SLU7: variants seen among roughly 807,000 people sequenced by gnomAD.
SLU7 encodes the protein spliceosome associated SLU7, also known as pre-mRNA-splicing factor SLU7.
SLU7 carries 60 observed loss-of-function variants against 87.0 expected under a neutral mutation model. The observed-to-expected ratio is 0.69, with a 90% CI of 0.56 to 0.86. The LOEUF (loss-of-function observed/expected upper bound fraction) is 0.86. Ranked by LOEUF, SLU7 falls within the 40% of genes least tolerant of loss-of-function variation. The pLI is 0.00. For synonymous variants in SLU7, 197 were observed against 222.0 expected (o/e 0.89, Z 1.00); for missense variants, 507 against 686.6 (o/e 0.74, Z 2.92).
Position 160,404,522 on chromosome 5 carries a change from T to C in SLU7, c.1499A>G (p.Lys500Arg), listed in dbSNP as rs779764357. The C allele has an allele frequency of 2.5e-6, 4 of 1,609,974 alleles. No homozygotes were observed. In the East Asian group the frequency reaches 8.9e-5, roughly 36 times the overall value. ...ATGCTTCTTCTTTTTCTTTTTCTTC[T>C]TCTTCTTTTCCTCTTTCAGTTTTTC... is the stretch of plus-strand genomic sequence containing the variant. ...HQEKLKEEKK[K>R]KKKKKKKHRK... is the part of the protein sequence containing the mutation. The change falls in exon 15 of 16, where the codon AAG becomes AGG. Residue 500 changes from lysine (K) to arginine (R), a missense_variant. This residue lies in a region of SLU7 where 201 missense variants were observed against 213.4 expected (regional missense o/e 0.94). Coordinates refer to ENST00000297151, the MANE Select transcript of SLU7 (RefSeq NM_006425.5).
intron 3 of SLU7, 69 bp downstream of exon 3, chr5:160,414,239 ATAGTATTGCAT>A: frequency 9.2e-7 from 1 of 1,092,802 alleles, no homozygotes; most frequent in South Asian, 1.8e-5. Flanking sequence ...TCTACTTTAA[ATAGTATTGCAT>A]TAAAAATTCT....
chr5:160,402,457 G>A lies in SLU7; in HGVS notation c.*828C>T, dbSNP rs1764821398. The stretch of plus-strand genomic sequence containing the variant: ...TGAGCCCAAGACTGCAGGGCATTAT[G>A]ACTTTGTCTGTGAAAAGCCACTGCT... On this transcript the variant is annotated 3_prime_UTR_variant, in exon 16 of 16. Transcript: ENST00000297151. 1 of 152,082 alleles carries A rather than the reference G, an allele frequency of 6.6e-6. No individual in the cohort carries two copies. Among genetic ancestry groups the A allele is most frequent in the African/African-American group, 2.4e-5 (1 of 41,426 alleles). The allele number at this position is 152,082 out of a possible 1,614,324, so 9.4% of individuals were successfully genotyped here.
chr5:160,408,581 GTTA>G (rs1478636055), intron 7 of SLU7, 66 bp downstream of exon 7: 11 of 1,374,476 alleles, frequency 8.0e-6, no homozygotes, highest in Non-Finnish European at 9.2e-6. Flanking sequence ...TATTATTAGT[GTTA>G]TTTATTATTA....
chr5:160,408,444 C>G lies in SLU7; in HGVS notation c.704G>C (p.Ser235Thr). The G allele has an allele frequency of 6.3e-7, 1 of 1,597,570 alleles. No individual in the cohort carries two copies. The highest frequency in any genetic ancestry group is 8.5e-7 in the Non-Finnish European group (1 of 1,171,574). Residue 235 changes from serine (S) to threonine (T), a missense_variant, in exon 8 of 16, where the codon AGT (serine) becomes ACT (threonine). Around this residue, in one of 6 missense-constraint regions of SLU7, gnomAD observed 155 missense variants for 154.4 expected, o/e 1.00. Transcript: ENST00000297151. Reference protein sequence around the residue: ...PNSQMEKDHNSEDEDEDKYAD... With the variant: ...PNSQMEKDHNTEDEDEDKYAD... ...ATATTTATCTTCATCCTCATCTTCA[C>G]TATTATGATCTTTTTCCTAAAAGAG...
chr5:160,405,018 G>C lies in SLU7; in HGVS notation c.1392+13C>G. 2 of 1,592,074 alleles carry C rather than the reference G, an allele frequency of 1.3e-6. No individual in the cohort carries two copies. Among genetic ancestry groups the C allele is most frequent in the African/African-American group, 1.3e-5 (1 of 74,588 alleles). Reference sequence around the variant, plus strand: ...TTGTTTTATACCTTTAAGAACCAAAGACAATTACTTACAACAATCTCCTTC... The same window carrying C: ...TTGTTTTATACCTTTAAGAACCAAACACAATTACTTACAACAATCTCCTTC... On this transcript the variant is annotated intron_variant, in intron 13 of 15. Coordinates refer to ENST00000297151, the MANE Select transcript of SLU7 (RefSeq NM_006425.5).
intron 14 of SLU7, 47 bp from the exon 15 acceptor site, chr5:160,404,603 C>T (rs1764925839): frequency 7.7e-7 from 1 of 1,294,752 alleles, no homozygotes; most frequent in South Asian, 1.2e-5. Flanking sequence ...GAAAACAAAG[C>T]TCAGGTGCAC....
At position 160,403,335 on chromosome 5, in the gene SLU7, T is replaced by C. The variant is rs752040562; in HGVS notation, c.1711A>G (p.Met571Val). The change falls in exon 16 of 16, where the codon ATG becomes GTG. Residue 571 changes from methionine (M) to valine (V), a missense_variant. Around this residue, in one of 6 missense-constraint regions of SLU7, gnomAD observed 201 missense variants for 213.4 expected, o/e 0.94. Transcript: ENST00000297151. ...GGGTCATCTGGCCTCTGACGTTTCATTCTATATGCCTCCATTTCCTCTTCA... is the reference window on the plus strand; with the variant it reads ...GGGTCATCTGGCCTCTGACGTTTCACTCTATATGCCTCCATTTCCTCTTCA... ...PTEEEMEAYR[M>V]KRQRPDDPMA... The C allele has an allele frequency of 7.4e-6, 12 of 1,612,800 alleles. No individual in the cohort carries two copies. Among genetic ancestry groups the C allele is most frequent in the Non-Finnish European group, 1.0e-5 (12 of 1,179,504 alleles).
chr5:160,412,540 A>AAAAAAAAG, intron 5 of SLU7, 21 bp from the exon 6 acceptor site: 1 of 1,412,498 alleles, frequency 7.1e-7, no homozygotes, highest in Non-Finnish European at 9.5e-7. Flanking sequence ...AAAAAAAAGA[A>AAAAAAAAG]AGAAAGAAAG....
Position 160,402,438 on chromosome 5 carries a change from C to T in SLU7, c.*847G>A, listed in dbSNP as rs908702336. On this transcript the variant is annotated 3_prime_UTR_variant, in exon 16 of 16. Coordinates refer to ENST00000297151, the MANE Select transcript of SLU7 (RefSeq NM_006425.5). Reference sequence around the variant, plus strand: ...CAAGGAAGAGAGAATCGCTTGAGCCCAAGACTGCAGGGCATTATGACTTTG... The same window carrying T: ...CAAGGAAGAGAGAATCGCTTGAGCCTAAGACTGCAGGGCATTATGACTTTG... 2 of 152,056 alleles carry T rather than the reference C, an allele frequency of 1.3e-5. No homozygotes were observed. The highest frequency in any genetic ancestry group is 2.9e-5 in the Non-Finnish European group (2 of 68,014). 9.4% of individuals were successfully genotyped at this position (152,056 alleles called of 1,614,324 possible).
chr5:160,412,250 T>C (rs973796617), intron 6 of SLU7, among the ~76,000 whole-genome samples: 2 of 152,200 alleles, frequency 1.3e-5, no homozygotes, highest in Non-Finnish European at 2.9e-5. Flanking sequence ...TGTCTAAATA[T>C]AAATAGTGGC....
rs1232434418 is a variant in SLU7, at chr5:160,402,893, T to G, written c.*392A>C. 6.5e-6 allele frequency: 1 copy of G among 152,754 alleles called. No individual in the cohort carries two copies. 9.5% of individuals were successfully genotyped at this position (152,754 alleles called of 1,614,324 possible). On this transcript the variant is annotated 3_prime_UTR_variant, in exon 16 of 16. Coordinates refer to ENST00000297151, the MANE Select transcript of SLU7 (RefSeq NM_006425.5). ...AGCTGAGCATGGTGGCGGGCGCCTG[T>G]AGTCCCAACTACTAGGGAGGCTGAG...
chr5:160,417,353 AAT>A (rs1170000331), intron 1 of SLU7: 2 of 152,244 alleles, frequency 1.3e-5, no homozygotes, highest in African/African-American at 4.8e-5. Flanking sequence ...TATTTAATGT[AAT>A]ATATCCAACA....
At chr5:160,415,819 A>G (rs1333557694) in intron 1 of SLU7, among the ~76,000 whole-genome samples, 2 of 152,094 alleles carry the variant, frequency 1.3e-5, no homozygotes, top group Admixed American at 6.5e-5. Flanking sequence ...TCCAATGGAC[A>G]TTTTTCAGCT....
At chr5:160,415,039 C>T in intron 2 of SLU7, 86 bp downstream of exon 2, 2 of 1,148,674 alleles carry the variant, frequency 1.7e-6, no homozygotes, top group Non-Finnish European at 2.4e-6. Context: ...AGAGAGGTTC[C>T]TCTCAAAGGA....
chr5:160,406,502 T>G lies in SLU7; in HGVS notation c.1253A>C (p.Lys418Thr). ...KGQERAVACSKYEEDVKIHNH... is the reference protein window; with the variant it reads ...KGQERAVACSTYEEDVKIHNH... ...GTGGATCTTCACATCCTCCTCATAC[T>G]TAGAGCAGGCAACAGCCCGCTCCTG... Residue 418 changes from lysine to threonine, a missense_variant, in exon 12 of 16, where the codon AAG (lysine) becomes ACG (threonine). Physicochemically the swap from Lys to Thr is moderately conservative, Grantham distance 78. Coordinates refer to ENST00000297151, the MANE Select transcript of SLU7 (RefSeq NM_006425.5). 6.2e-7 allele frequency: 1 copy of G among 1,613,242 alleles called. No individual in the cohort carries two copies. Among genetic ancestry groups the G allele is most frequent in the East Asian group, 2.2e-5 (1 of 44,812 alleles).
rs186831241 is a variant in SLU7, at chr5:160,415,774, T to C, written c.-16-464A>G. ...TCCCTACCATTCTAAAGAAAAGAGT[T>C]ACATCATTAAGTCATCAAGGACCAT... On this transcript the variant is annotated intron_variant, in intron 1 of 15. Transcript: ENST00000297151. Among the ~76,000 whole-genome samples, 6 of 152,336 alleles carry C rather than the reference T, an allele frequency of 3.9e-5. No individual in the cohort carries two copies. In the East Asian group the frequency reaches 1.2e-3, roughly 29 times the overall value.
intron 11 of SLU7, among the ~76,000 whole-genome samples, chr5:160,406,984 T>C (rs917221948): frequency 1.3e-5 from 2 of 152,214 alleles, no homozygotes; most frequent in African/African-American, 2.4e-5. Context: ...CCAATGAAAG[T>C]TGGCAAATGT....
chr5:160,407,876 T>C lies in SLU7; in HGVS notation c.918-63A>G. The C allele has an allele frequency of 6.7e-7, 1 of 1,491,318 alleles. No individual in the cohort carries two copies. The highest frequency in any genetic ancestry group is 9.3e-7 in the Non-Finnish European group (1 of 1,070,924). 92.4% of individuals were successfully genotyped at this position (1,491,318 alleles called of 1,614,324 possible). A position where few individuals can be genotyped will look rare whatever the true frequency, so the allele number is the denominator to read the frequency against. On this transcript the variant is annotated intron_variant, in intron 9 of 15. Transcript: ENST00000297151. This position sits in a 1 kb window ranked among gnomAD's most constrained non-coding sequence, Gnocchi z 4.2. ...TTTAAGGAAAATTAATTCGTAAAACTGAATCTGAATTAAAATGAACACCAT... is the reference window on the plus strand; with the variant it reads ...TTTAAGGAAAATTAATTCGTAAAACCGAATCTGAATTAAAATGAACACCAT...
chr5:160,414,097 T>C (rs1561563099), intron 3 of SLU7, 118 bp from the exon 4 acceptor site: 2 of 718,018 alleles, frequency 2.8e-6, no homozygotes, highest in Non-Finnish European at 2.2e-6. Flanking sequence ...GAAAATAAGT[T>C]AGAGTCTCCA....
Sources: allele counts gnomAD v4.1 joint callset (sites outside exome capture counted in the v4.1 genomes callset), GRCh38; gene constraint gnomAD v4.1.1; regional missense constraint gnomAD v4.1.1; non-coding constraint Gnocchi (gnomAD v3.1); transcripts MANE v1.5; gene names NCBI Gene and HGNC (gene_info 2026-07-23, HGNC 2026-07-21).